Variants in NRXN1 observed in about 807,000 individuals in gnomAD.
NRXN1 encodes the protein neurexin 1, also known as neurexin-1.
A neutral mutation model predicts 150.9 loss-of-function variants in NRXN1; 39 were observed. The observed-to-expected ratio is 0.26, with a 90% CI of 0.20 to 0.34. The LOEUF is 0.34. Ranked by LOEUF, NRXN1 falls within the 10% of genes least tolerant of loss-of-function variation. NRXN1 has a pLI of 1.00. For synonymous variants in NRXN1, 924 were observed against 757.0 expected (o/e 1.22, Z -3.62); for missense variants, 1,815 against 1,949.9 (o/e 0.93, Z 1.30).
intron 3 of NRXN1, among the ~76,000 whole-genome samples, chr2:50,923,223 T>C (rs1442149433): frequency 6.6e-6 from 1 of 151,884 alleles, no homozygotes; most frequent in East Asian, 1.9e-4. Flanking sequence ...CTGACACATG[T>C]AGCGGCTGAC....
At chr2:50,469,023 G>A (rs904826349) in intron 16 of NRXN1, among the ~76,000 whole-genome samples, 1 of 151,538 alleles carries the variant, frequency 6.6e-6, no homozygotes, top group Non-Finnish European at 1.5e-5. Flanking sequence ...CTGCTTATTG[G>A]TTGAATTCCA....
At chr2:50,452,294 T>C (rs1156251896) in intron 17 of NRXN1, among the ~76,000 whole-genome samples, 1 of 152,186 alleles carries the variant, frequency 6.6e-6, no homozygotes, top group Non-Finnish European at 1.5e-5. Context: ...GGCTGAGCTG[T>C]AGGCTGCATC....
At chr2:50,763,358 C>G (rs76411561) in intron 5 of NRXN1, among the ~76,000 whole-genome samples, 11,788 of 151,958 alleles carry the variant, frequency 0.078, 588 homozygotes, top group Middle Eastern at 0.15. Flanking sequence ...ATCTTGGCCT[C>G]AATTCCTCCA....
intron 5 of NRXN1, among the ~76,000 whole-genome samples, chr2:50,908,362 T>TACACACACACAC (rs71404979): frequency 0.23 from 34,436 of 147,978 alleles, 4,420 homozygotes; most frequent in Non-Finnish European, 0.31. Flanking sequence ...CATTCACACA[T>TACACACACACAC]ACACACACAC....
intron 5 of NRXN1, among the ~76,000 whole-genome samples, chr2:50,732,881 G>A (rs1698272284): frequency 6.6e-6 from 1 of 152,110 alleles, no homozygotes; most frequent in Non-Finnish European, 1.5e-5. Flanking sequence ...AAAACAGAAA[G>A]TTTGATCTTA....
At chr2:50,233,393 C>T (rs553972117) in intron 18 of NRXN1, among the ~76,000 whole-genome samples, 1 of 152,010 alleles carries the variant, frequency 6.6e-6, no homozygotes, top group East Asian at 1.9e-4. Flanking sequence ...TACAGTTAAT[C>T]AAAATTTTTA....
chr2:50,860,271 T>A (rs866451216), intron 5 of NRXN1, among the ~76,000 whole-genome samples: 3 of 151,520 alleles, frequency 2.0e-5, no homozygotes, highest in Admixed American at 2.0e-4. Context: ...AAAAAAAAAA[T>A]TGTGAGGTAT....
At chr2:50,503,570 TA>T (rs70948714) in intron 13 of NRXN1, among the ~76,000 whole-genome samples, 130,405 of 149,616 alleles carry the variant, frequency 0.87, 57,174 homozygotes, top group African/African-American at 0.96. Context: ...AAAGAAAAAT[TA>T]AAAAAAAAAT....
intron 17 of NRXN1, among the ~76,000 whole-genome samples, chr2:50,297,752 G>C (rs2073753812): frequency 6.6e-6 from 1 of 152,132 alleles, no homozygotes; most frequent in African/African-American, 2.4e-5. Context: ...TGACCATACA[G>C]GTGATATAAA....
In NRXN1 at chr2:50,496,034, T is replaced by C. The variant is rs2091595726; in HGVS notation, c.2941A>G (p.Lys981Glu). Residue 981 changes from lysine (K) to glutamate (E), a missense_variant, in exon 15 of 23, where the codon AAA becomes GAA. Lys to Glu is a moderately conservative substitution (Grantham distance 56, BLOSUM62 1). This residue lies in a region of NRXN1 where 339 missense variants were observed against 440.3 expected (regional missense o/e 0.77). Transcript: ENST00000401669. Reference sequence around the variant, plus strand: ...TGCCACTGATTGTCATTGAGAGGTTTATTTGAGCTTCCTTTGATGAGGTTA... The same window carrying C: ...TGCCACTGATTGTCATTGAGAGGTTCATTTGAGCTTCCTTTGATGAGGTTA... ...GANLIKGSSN[K>E]PLNDNQWHNV... 6.2e-7 allele frequency: 1 copy of C among 1,613,010 alleles called. No homozygotes were observed. Among genetic ancestry groups the C allele is most frequent in the South Asian group, 1.1e-5 (1 of 90,862 alleles).
intron 18 of NRXN1, among the ~76,000 whole-genome samples, chr2:50,221,626 C>T (rs574233989): frequency 9.1e-4 from 137 of 150,194 alleles, no homozygotes; most frequent in African/African-American, 3.4e-3. Flanking sequence ...ATGTGGTTCT[C>T]ACTGCTAACT....
chr2:50,429,202 T>C (rs1007693354), intron 17 of NRXN1, among the ~76,000 whole-genome samples: 8 of 152,120 alleles, frequency 5.3e-5, no homozygotes, highest in Admixed American at 2.6e-4. Flanking sequence ...GTTAAAAGTA[T>C]ATAGAGTGTC....
rs1323306682 is a variant in NRXN1 at position 50,522,719 on chromosome 2, C to CCTTTTTTTTTTTTTTTTTTTTTT, written c.2374+5905_2374+5906insAAAAAAAAAAAAAAAAAAAAAAG. Among the ~76,000 whole-genome samples, 15 of 86,556 alleles carry CCTTTTTTTTTTTTTTTTTTTTTT rather than the reference C, an allele frequency of 1.7e-4. 5 individuals are homozygous for CCTTTTTTTTTTTTTTTTTTTTTT. The highest frequency in any genetic ancestry group is 4.2e-4 in the African/African-American group (7 of 16,774). The allele number at this position is 86,556 out of a possible 152,430, so 56.8% of individuals were successfully genotyped here. On this transcript the variant is annotated intron_variant, in intron 12 of 22. Transcript: ENST00000401669. Reference sequence around the variant, plus strand: ...TTCCATTTATTCATTTATTTTTATTCATTTTTTTTTTTTTTTTTTTTTTTT... The same window carrying CCTTTTTTTTTTTTTTTTTTTTTT: ...TTCCATTTATTCATTTATTTTTATTCCTTTTTTTTTTTTTTTTTTTTTTATTTTTTTTTTTTTTTTTTTTTTTT...
Position 50,276,275 on chromosome 2 carries a change from A to C in NRXN1, c.3365-39305T>G, listed in dbSNP as rs139946727. 4.8e-3 allele frequency among the ~76,000 whole-genome samples: 726 copies of C among 152,268 alleles called. 6 individuals are homozygous for C. Among genetic ancestry groups the C allele is most frequent in the African/African-American group, 0.017 (686 of 41,560 alleles). ...TTAAAAAATAATAAAAAATAAGAAT[A>C]AAAAGCCTAACACTCATTGTGCTTG... On this transcript the variant is annotated intron_variant, in intron 17 of 22. Coordinates refer to ENST00000401669, the MANE Select transcript of NRXN1 (RefSeq NM_001330078.2).
At chr2:50,822,020 C>A (rs1669812729) in intron 5 of NRXN1, among the ~76,000 whole-genome samples, 2 of 152,070 alleles carry the variant, frequency 1.3e-5, no homozygotes, top group African/African-American at 2.4e-5. Flanking sequence ...ATTTTAAACA[C>A]TAATTGACTT....
In NRXN1 at chr2:49,965,550, G is replaced by A. The variant is rs148999161; in HGVS notation, c.4129-21759C>T. Among the ~76,000 whole-genome samples, 465 of 152,258 alleles carry A rather than the reference G, an allele frequency of 3.1e-3. 7 individuals carry two copies. The East Asian group carries it at 0.045, about 15-fold the overall frequency. ...CCCAAAGTGCTGGGATTACAGGTGTGAGCCACTGCGCCCAGCCTAGGTTTT... is the reference window on the plus strand; with the variant it reads ...CCCAAAGTGCTGGGATTACAGGTGTAAGCCACTGCGCCCAGCCTAGGTTTT... On this transcript the variant is annotated intron_variant, in intron 21 of 22. Coordinates refer to ENST00000401669, the MANE Select transcript of NRXN1 (RefSeq NM_001330078.2).
chr2:50,337,083 CTTTTTTT>C (rs768582035), intron 17 of NRXN1, among the ~76,000 whole-genome samples: 9 of 133,078 alleles, frequency 6.8e-5, no homozygotes, highest in South Asian at 2.4e-4. Context: ...TTTTCTTTTT[CTTTTTTT>C]TTTTTTTTTT....
intron 17 of NRXN1, among the ~76,000 whole-genome samples, chr2:50,408,626 C>T (rs2082917252): frequency 6.6e-6 from 1 of 152,114 alleles, no homozygotes; most frequent in Non-Finnish European, 1.5e-5. Flanking sequence ...CGAGGTCCCC[C>T]TAATTTGGCT....
intron 21 of NRXN1, among the ~76,000 whole-genome samples, chr2:49,963,186 A>G (rs200484392): frequency 1.4e-4 from 21 of 152,280 alleles, no homozygotes; most frequent in Admixed American, 1.3e-4. Flanking sequence ...ATTGTGCTCA[A>G]TATGCTTCCT....
Sources: allele counts gnomAD v4.1 joint callset (sites outside exome capture counted in the v4.1 genomes callset), GRCh38; gene constraint gnomAD v4.1.1; regional missense constraint gnomAD v4.1.1; transcripts MANE v1.5; gene names NCBI Gene and HGNC (gene_info 2026-07-23, HGNC 2026-07-21).